PHF20: variants seen among roughly 807,000 people sequenced by gnomAD.
PHF20 encodes the protein PHD finger protein 20.
Under a neutral mutation model 113.5 loss-of-function variants are expected in PHF20, and 23 were observed. The observed-to-expected ratio is 0.20, with a 90% confidence interval of 0.15 to 0.29. PHF20 has a LOEUF of 0.29. PHF20 is among the 10% of genes least tolerant of loss of function. The pLI is 1.00. For synonymous variants in PHF20, 434 were observed against 457.3 expected (o/e 0.95, Z 0.65); for missense variants, 943 against 1,219.6 (o/e 0.77, Z 3.38).
intron 12 of PHF20, 130 bp downstream of exon 12, chr20:35,914,327 T>C (rs572326398): frequency 1.1e-6 from 1 of 912,768 alleles, no homozygotes; most frequent in South Asian, 1.8e-5. Flanking sequence ...GACATAATTT[T>C]TATTTTCCCA....
At position 35,871,840 on chromosome 20, in the gene PHF20, A is replaced by T; in HGVS notation, c.1282+11A>T. On this transcript the variant is annotated intron_variant, in intron 9 of 17. Transcript: ENST00000374012. Reference sequence around the variant, plus strand: ...TTTCGACTGTGGAAGGTTCATATTTAGAGTTAAATTAATCCTCTTTTTATA... The same window carrying T: ...TTTCGACTGTGGAAGGTTCATATTTTGAGTTAAATTAATCCTCTTTTTATA... 1 of 1,577,082 alleles carries T rather than the reference A, an allele frequency of 6.3e-7. No individual in the cohort carries two copies. The highest frequency in any genetic ancestry group is 8.6e-7 in the Non-Finnish European group (1 of 1,157,670).
At chr20:35,851,431 A>G (rs2042729080) in intron 4 of PHF20, among the ~76,000 whole-genome samples, 1 of 152,056 alleles carries the variant, frequency 6.6e-6, no homozygotes, top group Admixed American at 6.6e-5. Flanking sequence ...TTCATGCTGT[A>G]ACTGATTCTA....
At chr20:35,922,997 C>T (rs1199104949) in intron 13 of PHF20, among the ~76,000 whole-genome samples, 1 of 151,990 alleles carries the variant, frequency 6.6e-6, no homozygotes, top group African/African-American at 2.4e-5. Context: ...CACTTGTAGT[C>T]CCAGCTTCTC....
intron 13 of PHF20, among the ~76,000 whole-genome samples, chr20:35,921,277 C>A: frequency 6.6e-6 from 1 of 151,576 alleles, no homozygotes. Context: ...TGTGTGGTGG[C>A]GGGCTTCATT....
At chr20:35,922,213 A>G (rs1248936267) in intron 13 of PHF20, among the ~76,000 whole-genome samples, 1 of 152,202 alleles carries the variant, frequency 6.6e-6, no homozygotes, top group African/African-American at 2.4e-5. Flanking sequence ...CACCTGAACC[A>G]AGAGTGCCCA....
chr20:35,819,642 C>T (rs1368850144), intron 2 of PHF20, among the ~76,000 whole-genome samples: 2 of 149,126 alleles, frequency 1.3e-5, no homozygotes, highest in African/African-American at 2.5e-5. Flanking sequence ...TTACTCCTTA[C>T]ACCATCTGTG....
intron 13 of PHF20, among the ~76,000 whole-genome samples, chr20:35,923,631 C>G (rs879268080): frequency 6.6e-6 from 1 of 152,234 alleles, no homozygotes; most frequent in Admixed American, 6.5e-5. Flanking sequence ...CAGCCCTTAT[C>G]AGTTTCTTGT....
At chr20:35,913,722 T>C (rs1163430144) in intron 11 of PHF20, among the ~76,000 whole-genome samples, 1 of 152,242 alleles carries the variant, frequency 6.6e-6, no homozygotes, top group Admixed American at 6.5e-5. Context: ...TCTTAAAAAC[T>C]GTGTCTAGCC....
At chr20:35,857,562 CTTTTT>C (rs56655276) in intron 4 of PHF20, among the ~76,000 whole-genome samples, 3 of 99,672 alleles carry the variant, frequency 3.0e-5, no homozygotes, top group Non-Finnish European at 5.5e-5. Flanking sequence ...AATGATGTTC[CTTTTT>C]TTTTTTTTTT....
intron 1 of PHF20, among the ~76,000 whole-genome samples, chr20:35,792,925 C>T (rs749107544): frequency 2.6e-5 from 4 of 151,226 alleles, no homozygotes; most frequent in Admixed American, 1.3e-4. Flanking sequence ...TTCTTGTCGT[C>T]GCTCAGCCAA....
intron 9 of PHF20, among the ~76,000 whole-genome samples, chr20:35,877,023 C>T (rs540678280): frequency 1.8e-3 from 269 of 146,422 alleles, no homozygotes; most frequent in Non-Finnish European, 2.4e-3. Context: ...AGGAGAATGG[C>T]GTAAACCTGG....
intron 1 of PHF20, among the ~76,000 whole-genome samples, chr20:35,783,583 A>ATTTT (rs760338473): frequency 7.0e-6 from 1 of 142,762 alleles, no homozygotes; most frequent in African/African-American, 2.6e-5. Flanking sequence ...CGCTTGGCTA[A>ATTTT]TTTTTTTTTT....
chr20:35,854,341 A>T (rs1568656447), intron 4 of PHF20, among the ~76,000 whole-genome samples: 1 of 152,184 alleles, frequency 6.6e-6, no homozygotes, highest in Non-Finnish European at 1.5e-5. Flanking sequence ...TCCTTGAGGG[A>T]GTCTGAGGCA....
At chr20:35,845,350 C>T (rs1036799351) in intron 3 of PHF20, 2 of 358,996 alleles carry the variant, frequency 5.6e-6, no homozygotes, top group Admixed American at 5.5e-5. Flanking sequence ...GTGTGCTGCA[C>T]CCATTAACTC....
intron 14 of PHF20, among the ~76,000 whole-genome samples, chr20:35,930,265 C>T (rs1033767203): frequency 6.6e-6 from 1 of 152,170 alleles, no homozygotes; most frequent in African/African-American, 2.4e-5. Flanking sequence ...ATGCCTTTTG[C>T]CAGGCACTGG....
intron 9 of PHF20, among the ~76,000 whole-genome samples, chr20:35,874,877 G>A (rs1053594642): frequency 6.6e-6 from 1 of 151,864 alleles, no homozygotes; most frequent in African/African-American, 2.4e-5. Context: ...CTTGAGGCCA[G>A]GAGTTCAAGA....
chr20:35,926,677 C>T (rs184353655), intron 13 of PHF20, among the ~76,000 whole-genome samples: 184 of 152,242 alleles, frequency 1.2e-3, no homozygotes, highest in African/African-American at 4.0e-3. Flanking sequence ...CCTGTCTTCC[C>T]GCTCTGCCCA....
At chr20:35,803,276 A>T (rs74466208) in intron 2 of PHF20, among the ~76,000 whole-genome samples, 3 of 150,936 alleles carry the variant, frequency 2.0e-5, no homozygotes, top group Non-Finnish European at 4.4e-5. Context: ...AAGAAAAAAG[A>T]AAAAATAATT....
At chr20:35,839,744 G>C (rs1322877862) in intron 2 of PHF20, among the ~76,000 whole-genome samples, 1 of 152,168 alleles carries the variant, frequency 6.6e-6, no homozygotes, top group Non-Finnish European at 1.5e-5. Context: ...GGTATGCATA[G>C]TAGCAATTAG....
Sources: gnomAD v4.1 joint callset for allele counts (sites outside exome capture counted in the v4.1 genomes callset) on GRCh38, gnomAD v4.1.1 for gene constraint, MANE v1.5 for transcripts, NCBI Gene and HGNC (gene_info 2026-07-23, HGNC 2026-07-21) for gene names.